The following STRIP1 variants were observed in gnomAD, a reference collection of about 807,000 sequenced individuals.
STRIP1 encodes the protein striatin interacting protein 1.
A neutral mutation model predicts 106.2 loss-of-function variants in STRIP1; 63 were observed. The observed-to-expected ratio is 0.59, with a 90% CI of 0.48 to 0.73. The LOEUF is 0.73. STRIP1 is among the 30% of genes least tolerant of loss of function. STRIP1 has a pLI of 0.00. For missense variants in STRIP1, 857 were observed against 1,074.8 expected (o/e 0.80, Z 2.83); for synonymous variants, 390 against 413.0 (o/e 0.94, Z 0.67).
chr1:110,044,354 A>T (rs1340780993), intron 10 of STRIP1, among the ~76,000 whole-genome samples: 1 of 152,210 alleles, frequency 6.6e-6, no homozygotes, highest in Non-Finnish European at 1.5e-5. Context: ...ATGTGAGAGG[A>T]TATAGAAGTC....
chr1:110,036,918 G>C (rs1398784068), intron 1 of STRIP1, among the ~76,000 whole-genome samples: 1 of 152,080 alleles, frequency 6.6e-6, no homozygotes. Context: ...CCACTTCCGG[G>C]GCTCAAGCGA....
intron 2 of STRIP1, 97 bp downstream of exon 2, chr1:110,038,057 C>T: frequency 7.5e-6 from 3 of 401,078 alleles, no homozygotes; most frequent in Admixed American, 7.1e-5. Context: ...TCATTGCTTT[C>T]CCTAGTTCTA....
intron 15 of STRIP1, chr1:110,048,119 A>G (rs764798578): frequency 4.4e-4 from 208 of 473,102 alleles, no homozygotes; most frequent in Non-Finnish European, 7.9e-4. Flanking sequence ...GGGGAAAGTC[A>G]TTTCCTCCTC....
chr1:110,034,633 C>A lies in STRIP1; in HGVS notation c.-5C>A, dbSNP rs1652343587. 6.6e-6 allele frequency: 10 copies of A among 1,520,328 alleles called. No individual in the cohort carries two copies. Among genetic ancestry groups the A allele is most frequent in the Non-Finnish European group, 8.8e-6 (10 of 1,135,126 alleles). 94.2% of individuals were successfully genotyped at this position (1,520,328 alleles called of 1,614,324 possible). A position where few individuals can be genotyped will look rare whatever the true frequency, so the allele number is the denominator to read the frequency against. On this transcript the variant is annotated 5_prime_UTR_variant, in exon 1 of 21. Coordinates refer to ENST00000369795, the MANE Select transcript of STRIP1 (RefSeq NM_033088.4). ...GAGTTAAGCTGGGGGTGTGGAGCAG[C>A]CAAGATGGAGCCGGCAGTCGGCGGT...
Position 110,043,674 on chromosome 1 carries a change from C to T in STRIP1, c.1104C>T (p.Asn368=), listed in dbSNP as rs142966740. ...LIKQDNLDAF[N]ERDPYKADDS... is the part of the protein sequence containing the mutation. ...AGCAGGACAACCTAGATGCCTTCAA[C>T]GAGCGGGATCCCTACAAGGCTGATG... The change falls in exon 10 of 21, where the codon AAC becomes AAT. Residue 368 remains asparagine, a synonymous_variant. Transcript: ENST00000369795. 4.8e-5 allele frequency: 78 copies of T among 1,614,034 alleles called. 1 individual carries two copies. Among genetic ancestry groups the T allele is most frequent in the East Asian group, 3.6e-4 (16 of 44,896 alleles).
intron 1 of STRIP1, among the ~76,000 whole-genome samples, chr1:110,036,223 C>T (rs183865223): frequency 2.2e-4 from 34 of 152,248 alleles, no homozygotes; most frequent in East Asian, 1.2e-3. Flanking sequence ...GAGGCCGAGG[C>T]GGGCGGATCA....
intron 1 of STRIP1, among the ~76,000 whole-genome samples, chr1:110,036,130 G>A (rs191277141): frequency 9.1e-4 from 139 of 152,288 alleles, no homozygotes; most frequent in Middle Eastern, 3.4e-3. Context: ...ACCCTCTGAC[G>A]AATTGTAATT....
Position 110,036,162 on chromosome 1 carries a change from C to T in STRIP1, c.180+1345C>T, listed in dbSNP as rs537873362. On this transcript the variant is annotated intron_variant, in intron 1 of 20. Coordinates refer to ENST00000369795, the MANE Select transcript of STRIP1 (RefSeq NM_033088.4). The stretch of plus-strand genomic sequence containing the variant: ...AATTTCTCTTTGTACCCTTTAATTT[C>T]CACATAGAGGCCGGGTGCAGTGGCT... Among the ~76,000 whole-genome samples the T allele has an allele frequency of 3.9e-5, 6 of 152,328 alleles. No homozygotes were observed. In the East Asian group the frequency reaches 1.2e-3, roughly 29 times the overall value.
rs199976658 is a variant in STRIP1, at chr1:110,043,658, A to G, written c.1088A>G (p.Asn363Ser). The G allele has an allele frequency of 1.9e-6, 3 of 1,613,834 alleles. No individual in the cohort carries two copies. Among genetic ancestry groups the G allele is most frequent in the Non-Finnish European group, 2.5e-6 (3 of 1,179,944 alleles). ...TTTCAGGCTCTGATAAAGCAGGACA[A>G]CCTAGATGCCTTCAACGAGCGGGAT... ...REHKALIKQD[N>S]LDAFNERDPY... Residue 363 changes from asparagine to serine, a missense_variant, in exon 10 of 21, where the codon AAC (asparagine) becomes AGC (serine). This residue lies in a region of STRIP1 where 750 missense variants were observed against 989.8 expected (regional missense o/e 0.76). Transcript: ENST00000369795.
rs758844866 is a variant in STRIP1, at chr1:110,043,839, G to T, written c.1269G>T (p.Pro423=). Residue 423 remains proline (P), a synonymous_variant, in exon 10 of 21, where the codon CCG becomes CCT. Coordinates refer to ENST00000369795, the MANE Select transcript of STRIP1 (RefSeq NM_033088.4). Reference sequence around the variant, plus strand: ...GGCTGACTTGCCCCAAAGGGCTCCCGTGGGCTCCCAAGGTCAGGTGAGTCT... The same window carrying T: ...GGCTGACTTGCCCCAAAGGGCTCCCTTGGGCTCCCAAGGTCAGGTGAGTCT... ...TDRLTCPKGL[P]WAPKVREKDI... 5 of 1,613,846 alleles carry T rather than the reference G, an allele frequency of 3.1e-6. No individual in the cohort carries two copies. The highest frequency in any genetic ancestry group is 1.1e-5 in the South Asian group (1 of 91,094).
intron 1 of STRIP1, among the ~76,000 whole-genome samples, chr1:110,037,502 A>G (rs1287901613): frequency 6.6e-6 from 1 of 152,252 alleles, no homozygotes; most frequent in East Asian, 1.9e-4. Context: ...TGGAATGGTC[A>G]TTTACTGCAC....
chr1:110,042,003 G>C lies in STRIP1; in HGVS notation c.885+142G>C. 3 of 1,040,724 alleles carry C rather than the reference G, an allele frequency of 2.9e-6. No individual in the cohort carries two copies. The Admixed American group carries it at 7.4e-5, about 26-fold the overall frequency. The allele number at this position is 1,040,724 out of a possible 1,614,324, so 64.5% of individuals were successfully genotyped here. ...AAATTATTTAAAAAGCTGCTAAAAG[G>C]AGATGACAAAAGAAGGGCCACTATT... On this transcript the variant is annotated intron_variant, in intron 8 of 20. Coordinates refer to ENST00000369795, the MANE Select transcript of STRIP1 (RefSeq NM_033088.4).
In STRIP1 at chr1:110,043,520, G is replaced by A. The variant is rs1652874874; in HGVS notation, c.1069-119G>A. 3.1e-6 allele frequency: 3 copies of A among 977,976 alleles called. No homozygotes were observed. In the Admixed American group the frequency reaches 7.0e-5, roughly 23 times the overall value. The allele number at this position is 977,976 out of a possible 1,614,324, so 60.6% of individuals were successfully genotyped here. A position where few individuals can be genotyped will look rare whatever the true frequency, so the allele number is the denominator to read the frequency against. On this transcript the variant is annotated intron_variant, in intron 9 of 20. Transcript: ENST00000369795. Reference sequence around the variant, plus strand: ...TGGCCCCCGTCTTGACTCCCACTGTGGTTTTTCCACTGTTCTTGCCTCTAC... The same window carrying A: ...TGGCCCCCGTCTTGACTCCCACTGTAGTTTTTCCACTGTTCTTGCCTCTAC...
At chr1:110,046,814 G>C (rs1278139971) in intron 13 of STRIP1, 63 bp downstream of exon 13, 1 of 1,205,776 alleles carries the variant, frequency 8.3e-7, no homozygotes, top group East Asian at 2.4e-5. Context: ...CACTTTGGGA[G>C]GCCGAGGAGG....
In STRIP1 at chr1:110,044,835, G is replaced by A. The variant is rs753654491; in HGVS notation, c.1287-5G>A. On this transcript the variant is annotated splice_polypyrimidine_tract_variant and splice_region_variant and intron_variant, in intron 10 of 20. Transcript: ENST00000369795. ...TTCTTTCTCTCTTTTTTGGTGATGTGGCAGAGAGAAAGACATTGAGATGTT... is the reference window on the plus strand; with the variant it reads ...TTCTTTCTCTCTTTTTTGGTGATGTAGCAGAGAGAAAGACATTGAGATGTT... 6.2e-7 allele frequency: 1 copy of A among 1,613,704 alleles called. No individual in the cohort carries two copies. The highest frequency in any genetic ancestry group is 1.7e-5 in the Admixed American group (1 of 59,938).
chr1:110,036,817 TTTTTGTTTTG>T (rs965484088), intron 1 of STRIP1, among the ~76,000 whole-genome samples: 6 of 152,082 alleles, frequency 3.9e-5, no homozygotes, highest in Admixed American at 3.3e-4. Context: ...GTGGGTATGT[TTTTTGTTTTG>T]TTTTGTTTTG....
At chr1:110,038,083 T>TATATATATAC (rs1652554813) in intron 2 of STRIP1, 123 bp downstream of exon 2, 2 of 130,166 alleles carry the variant, frequency 1.5e-5, no homozygotes, top group African/African-American at 6.5e-5. Flanking sequence ...TATATATATA[T>TATATATATAC]ATATATATAT....
chr1:110,047,796 G>C lies in STRIP1; in HGVS notation c.1588G>C (p.Ala530Pro). ...GATTGCCCTCCTGAAGATCCTGTTG[G>C]CTGCAGCACCCACCTCAAAAGCCAA... ...YMIALLKILLAAAPTSKAKTD... is the reference protein window; with the variant it reads ...YMIALLKILLPAAPTSKAKTD... Residue 530 changes from alanine to proline, a missense_variant, in exon 15 of 21, where the codon GCT becomes CCT. Physicochemically the swap from Ala to Pro is conservative, Grantham distance 27. Transcript: ENST00000369795. 6.4e-7 allele frequency: 1 copy of C among 1,570,802 alleles called. No homozygotes were observed.
chr1:110,039,579 G>T, intron 5 of STRIP1, 64 bp downstream of exon 5: 10 of 1,540,630 alleles, frequency 6.5e-6, no homozygotes, highest in Non-Finnish European at 8.8e-6. Flanking sequence ...GACAGAGCTT[G>T]CAGAACTAAC....
Sources: gnomAD v4.1 joint callset for allele counts (sites outside exome capture counted in the v4.1 genomes callset) on GRCh38, gnomAD v4.1.1 for gene constraint, gnomAD v4.1.1 regional missense constraint, MANE v1.5 for transcripts, NCBI Gene and HGNC (gene_info 2026-07-23, HGNC 2026-07-21) for gene names.